The following WASF3 variants were observed in gnomAD, a reference collection of about 807,000 sequenced individuals.
The protein encoded by WASF3 is WASP family member 3.
WASF3 carries 11 observed loss-of-function variants against 46.6 expected under a neutral mutation model. The ratio of observed to expected loss-of-function variants is 0.24; its 90% confidence interval spans 0.15 to 0.39. The LOEUF (loss-of-function observed/expected upper bound fraction) is 0.39, where lower values mean the gene tolerates loss of function less well. WASF3 is among the 10% of genes least tolerant of loss of function. WASF3 has a pLI of 1.00. For synonymous variants in WASF3, 242 were observed against 259.7 expected, an observed-to-expected ratio of 0.93 and a Z score of 0.65; for missense variants, 576 against 669.8, an observed-to-expected ratio of 0.86 and a Z score of 1.55.
chr13:26,573,524 C>T (rs181299103), intron 1 of WASF3, among the ~76,000 whole-genome samples: 2 of 152,102 alleles, frequency 1.3e-5, no homozygotes, highest in East Asian at 3.9e-4. Flanking sequence ...TAAATGTGTT[C>T]TATGGACTCT....
chr13:26,632,889 G>T (rs540064290), intron 2 of WASF3, among the ~76,000 whole-genome samples: 1 of 152,168 alleles, frequency 6.6e-6, no homozygotes, highest in African/African-American at 2.4e-5. Context: ...CTTCTTCCTG[G>T]TTTAGTCTTG....
chr13:26,647,781 C>T (rs531448652), intron 3 of WASF3, among the ~76,000 whole-genome samples: 2 of 151,294 alleles, frequency 1.3e-5, no homozygotes, highest in Admixed American at 6.6e-5. Flanking sequence ...AAAAATTTGG[C>T]GACATTAATG....
intron 1 of WASF3, among the ~76,000 whole-genome samples, chr13:26,608,184 G>T (rs898342616): frequency 5.9e-5 from 9 of 152,146 alleles, no homozygotes; most frequent in Admixed American, 1.3e-4. Flanking sequence ...GCCACTCATG[G>T]ATCTTTACAA....
In WASF3 at chr13:26,682,554, G is replaced by A; in HGVS notation, c.984-53G>A. The A allele has an allele frequency of 6.2e-7, 1 of 1,610,776 alleles. No homozygotes were observed. Among genetic ancestry groups the A allele is most frequent in the Non-Finnish European group, 8.5e-7 (1 of 1,178,764 alleles). The stretch of plus-strand genomic sequence containing the variant: ...CCGTTAGGTGTCTAAGAGCTCCCAG[G>A]ACGTGACCCTCTCTTGTTCCCTTGG... On this transcript the variant is annotated intron_variant, in intron 8 of 9. Coordinates refer to ENST00000335327, the MANE Select transcript of WASF3 (RefSeq NM_006646.6). The surrounding 1 kb of genome is among the most constrained non-coding windows in gnomAD (Gnocchi z 4.4).
chr13:26,587,121 AAAAG>A (rs1056597568), intron 1 of WASF3, among the ~76,000 whole-genome samples: 18 of 150,062 alleles, frequency 1.2e-4, no homozygotes, highest in Non-Finnish European at 1.2e-4. Context: ...AAAAAAAAAA[AAAAG>A]GAAGAAGAAT....
chr13:26,675,918 A>G (rs1488027753), intron 6 of WASF3, among the ~76,000 whole-genome samples: 1 of 152,202 alleles, frequency 6.6e-6, no homozygotes, highest in African/African-American at 2.4e-5. Flanking sequence ...AGGCACACAT[A>G]GAAATAACTT....
At chr13:26,674,897 A>T (rs1478149662) in intron 6 of WASF3, among the ~76,000 whole-genome samples, 1 of 152,190 alleles carries the variant, frequency 6.6e-6, no homozygotes, top group Non-Finnish European at 1.5e-5. Context: ...CCAGTCCTGG[A>T]TATTACTTTC....
rs200670395 is a variant in WASF3 at position 26,573,361 on chromosome 13, G to GT, written c.-109+15550dup. ...TAAACTTAGATTGTGCTTTATTTCA[G>GT]TTTTTTTTGAGGTAAAATATACATA... On this transcript the variant is annotated intron_variant, in intron 1 of 9. Transcript: ENST00000335327. Among the ~76,000 whole-genome samples the GT allele has an allele frequency of 6.9e-3, 1,044 of 151,542 alleles. 18 individuals are homozygous for GT. Among genetic ancestry groups the GT allele is most frequent in the African/African-American group, 0.024 (986 of 41,380 alleles).
intron 3 of WASF3, among the ~76,000 whole-genome samples, chr13:26,643,502 T>G (rs1882062080): frequency 6.6e-6 from 1 of 152,214 alleles, no homozygotes; most frequent in South Asian, 2.1e-4. Flanking sequence ...CATAAAATGT[T>G]TTTTAAAATA....
intron 1 of WASF3, among the ~76,000 whole-genome samples, chr13:26,580,874 C>T (rs1402446362): frequency 6.6e-6 from 1 of 151,622 alleles, no homozygotes; most frequent in African/African-American, 2.4e-5. Context: ...ATCTGCCCAG[C>T]TCGGCCTCCC....
intron 1 of WASF3, among the ~76,000 whole-genome samples, chr13:26,603,646 TGA>T (rs1435073090): frequency 2.6e-5 from 4 of 152,132 alleles, no homozygotes; most frequent in African/African-American, 7.2e-5. Flanking sequence ...GGCAGCACAG[TGA>T]GACTCTGTGT....
chr13:26,549,865 C>A, the WASF3 span, among the ~76,000 whole-genome samples: 1 of 152,144 alleles, frequency 6.6e-6, no homozygotes, highest in Admixed American at 6.5e-5. Flanking sequence ...GCAAGTCTTT[C>A]AGGTAGCATC....
At position 26,629,258 on chromosome 13, in the gene WASF3, C is replaced by T. The variant is rs57217464; in HGVS notation, c.-10-13003C>T. ...TTCCAGTGGAGGTTAACAAGTGATACAGAAATCTTCACCCTGTGCCCACTC... is the reference window on the plus strand; with the variant it reads ...TTCCAGTGGAGGTTAACAAGTGATATAGAAATCTTCACCCTGTGCCCACTC... On this transcript the variant is annotated intron_variant, in intron 2 of 9. Coordinates refer to ENST00000335327, the MANE Select transcript of WASF3 (RefSeq NM_006646.6). 5.5e-3 allele frequency among the ~76,000 whole-genome samples: 834 copies of T among 152,322 alleles called. 11 individuals carry two copies. Among genetic ancestry groups the T allele is most frequent in the African/African-American group, 0.019 (797 of 41,582 alleles).
At chr13:26,543,819 G>A in the WASF3 span, among the ~76,000 whole-genome samples, 3,562 of 152,216 alleles carry the variant, frequency 0.023, 148 homozygotes, top group African/African-American at 0.08. Flanking sequence ...GTTTCCATTG[G>A]CAATCGAGTG....
At chr13:26,627,701 A>G (rs762343496) in intron 2 of WASF3, among the ~76,000 whole-genome samples, 3 of 152,128 alleles carry the variant, frequency 2.0e-5, no homozygotes, top group Admixed American at 6.5e-5. Flanking sequence ...AAACACATAC[A>G]AATGTTGGAT....
At chr13:26,614,738 T>C (rs1881080303) in intron 2 of WASF3, among the ~76,000 whole-genome samples, 1 of 152,108 alleles carries the variant, frequency 6.6e-6, no homozygotes, top group Non-Finnish European at 1.5e-5. Flanking sequence ...TTCCACTTTA[T>C]AGTTTTTGGG....
intron 1 of WASF3, among the ~76,000 whole-genome samples, chr13:26,559,788 T>TTTTCTTTTCTTTCTTTTCTTTCTTTC: frequency 1.2e-5 from 1 of 80,548 alleles, no homozygotes; most frequent in South Asian, 5.0e-4. Flanking sequence ...TTTTCTTTTC[T>TTTTCTTTTCTTTCTTTTCTTTCTTTC]TTTCTTTCTT....
At chr13:26,624,443 C>T (rs748954483) in intron 2 of WASF3, among the ~76,000 whole-genome samples, 34 of 151,894 alleles carry the variant, frequency 2.2e-4, no homozygotes, top group Non-Finnish European at 4.6e-4. Context: ...ATGACAAAAC[C>T]GAGCATCTAA....
At chr13:26,664,886 G>T in intron 3 of WASF3, 142 bp from the exon 4 acceptor site, 1 of 757,820 alleles carries the variant, frequency 1.3e-6, no homozygotes, top group Non-Finnish European at 2.1e-6. Flanking sequence ...AGTTCTAAAG[G>T]CCTTGGACTG....
Sources: allele counts gnomAD v4.1 joint callset (sites outside exome capture counted in the v4.1 genomes callset), GRCh38; gene constraint gnomAD v4.1.1; non-coding constraint Gnocchi (gnomAD v3.1); transcripts MANE v1.5; gene names NCBI Gene and HGNC (gene_info 2026-07-23, HGNC 2026-07-21).